SGCZ: variants seen among roughly 807,000 people sequenced by gnomAD.
SGCZ encodes the protein sarcoglycan zeta.
A neutral mutation model predicts 41.3 loss-of-function variants in SGCZ; 40 were observed. That is an observed-to-expected ratio of 0.97 (90% confidence interval 0.75 to 1.26). The LOEUF is 1.26. Ranked by LOEUF, SGCZ falls within the 50% of genes most tolerant of loss-of-function variation. The pLI, the probability that SGCZ is intolerant of heterozygous loss-of-function variation, is 0.00. For synonymous variants in SGCZ, 206 were observed against 137.5 expected, an observed-to-expected ratio of 1.50 and a Z score of -3.49; for missense variants, 552 against 369.8, an observed-to-expected ratio of 1.49 and a Z score of -4.04.
At chr8:14,493,369 T>C (rs953433218) in intron 2 of SGCZ, among the ~76,000 whole-genome samples, 1,675 of 116,404 alleles carry the variant, frequency 0.014, 84 homozygotes, top group African/African-American at 0.054. Flanking sequence ...CTTTTTTTTT[T>C]TTTTTTTTTT....
chr8:14,357,241 T>C (rs1803333289), intron 2 of SGCZ, among the ~76,000 whole-genome samples: 1 of 152,190 alleles, frequency 6.6e-6, no homozygotes, highest in Non-Finnish European at 1.5e-5. Context: ...TGATCACACA[T>C]GCTGGAATAC....
intron 2 of SGCZ, among the ~76,000 whole-genome samples, chr8:14,425,563 G>A (rs776303506): frequency 6.6e-6 from 1 of 151,946 alleles, no homozygotes; most frequent in Non-Finnish European, 1.5e-5. Context: ...AGACGTTGCA[G>A]TGAGCCAAGA....
In SGCZ at chr8:14,861,901, A is replaced by G. The variant is rs1255096619; in HGVS notation, c.40-306975T>C. Reference sequence around the variant, plus strand: ...TTCTTCTCCAAATAGGATGGAAAATACATGTAATACTAACTGAAATGGATA... The same window carrying G: ...TTCTTCTCCAAATAGGATGGAAAATGCATGTAATACTAACTGAAATGGATA... On this transcript the variant is annotated intron_variant, in intron 1 of 7. Transcript: ENST00000382080. Among the ~76,000 whole-genome samples, 3 of 152,144 alleles carry G rather than the reference A, an allele frequency of 2.0e-5. No individual in the cohort carries two copies. The East Asian group carries it at 5.8e-4, about 29-fold the overall frequency.
chr8:15,084,107 G>T (rs1056519468), intron 1 of SGCZ, among the ~76,000 whole-genome samples: 5 of 152,060 alleles, frequency 3.3e-5, no homozygotes, highest in African/African-American at 7.2e-5. Context: ...AAAATTTTAC[G>T]TGGTAAATCT....
At chr8:14,258,894 A>G (rs143875487) in intron 3 of SGCZ, among the ~76,000 whole-genome samples, 15 of 152,300 alleles carry the variant, frequency 9.8e-5, no homozygotes, top group African/African-American at 3.6e-4. Flanking sequence ...ACTAACTTCC[A>G]AAAATAATTA....
chr8:14,345,637 C>T (rs1394036115), intron 2 of SGCZ, among the ~76,000 whole-genome samples: 1 of 152,068 alleles, frequency 6.6e-6, no homozygotes, highest in African/African-American at 2.4e-5. Flanking sequence ...ACTTATTTCC[C>T]AGCTTTCCCA....
At chr8:14,509,285 A>T (rs1161530871) in intron 2 of SGCZ, among the ~76,000 whole-genome samples, 1 of 152,208 alleles carries the variant, frequency 6.6e-6, no homozygotes, top group Non-Finnish European at 1.5e-5. Flanking sequence ...TCTGTAATTT[A>T]AACTTTGCTA....
chr8:14,915,094 T>TA (rs2130782542), intron 1 of SGCZ, among the ~76,000 whole-genome samples: 1 of 152,316 alleles, frequency 6.6e-6, no homozygotes, highest in South Asian at 2.1e-4. Context: ...CTGCTTTTTC[T>TA]ACCCTCTTTC....
intron 1 of SGCZ, among the ~76,000 whole-genome samples, chr8:15,073,016 T>C (rs1276943351): frequency 6.6e-6 from 1 of 152,118 alleles, no homozygotes; most frequent in East Asian, 1.9e-4. Context: ...GGCTAAGAAC[T>C]GCTGAACAGA....
intron 1 of SGCZ, among the ~76,000 whole-genome samples, chr8:15,151,187 T>C (rs1256390095): frequency 6.6e-6 from 1 of 152,242 alleles, no homozygotes; most frequent in Admixed American, 6.5e-5. Flanking sequence ...ATCCCGTGAA[T>C]GGGCTTCTTG....
At chr8:14,711,314 G>A (rs552697988) in intron 1 of SGCZ, among the ~76,000 whole-genome samples, 15 of 151,772 alleles carry the variant, frequency 9.9e-5, no homozygotes, top group African/African-American at 3.4e-4. Context: ...TGTTGGCCAG[G>A]CGCTGTGTCT....
intron 1 of SGCZ, among the ~76,000 whole-genome samples, chr8:14,906,876 T>C (rs1269469886): frequency 3.3e-5 from 5 of 152,224 alleles, no homozygotes; most frequent in African/African-American, 1.2e-4. Flanking sequence ...TAGAGTTACA[T>C]AGTTAATAAA....
intron 2 of SGCZ, among the ~76,000 whole-genome samples, chr8:14,405,555 C>G (rs1799190137): frequency 6.6e-6 from 1 of 151,984 alleles, no homozygotes; most frequent in African/African-American, 2.4e-5. Context: ...TAGCCTTATG[C>G]CAAGAATTAT....
intron 1 of SGCZ, among the ~76,000 whole-genome samples, chr8:14,944,331 T>A (rs558553638): frequency 5.1e-4 from 78 of 152,322 alleles, no homozygotes; most frequent in African/African-American, 1.8e-3. Context: ...CTTTGTTGAA[T>A]ATTTTTGAAT....
chr8:14,369,124 C>G (rs975605110), intron 2 of SGCZ, among the ~76,000 whole-genome samples: 2 of 150,174 alleles, frequency 1.3e-5, no homozygotes, highest in African/African-American at 4.9e-5. Context: ...AAATTAACAC[C>G]TATAGTGATA....
At chr8:14,346,171 G>A (rs564025283) in intron 2 of SGCZ, among the ~76,000 whole-genome samples, 5 of 151,912 alleles carry the variant, frequency 3.3e-5, no homozygotes, top group African/African-American at 7.2e-5. Flanking sequence ...AATACAATAC[G>A]TTACTAATAG....
chr8:14,980,677 T>A (rs1801630259), intron 1 of SGCZ, among the ~76,000 whole-genome samples: 1 of 152,162 alleles, frequency 6.6e-6, no homozygotes, highest in African/African-American at 2.4e-5. Context: ...CCATCAGATC[T>A]CATGAGACTT....
intron 4 of SGCZ, among the ~76,000 whole-genome samples, chr8:14,174,199 A>G (rs1804474649): frequency 6.6e-6 from 1 of 152,160 alleles, no homozygotes; most frequent in South Asian, 2.1e-4. Context: ...AACAAAATTG[A>G]AACACTTTAC....
chr8:14,660,432 C>G (rs575393198), intron 1 of SGCZ, among the ~76,000 whole-genome samples: 1 of 151,620 alleles, frequency 6.6e-6, no homozygotes. Context: ...ATTAGCCAGG[C>G]GTGGTGGTGG....
Sources: allele counts gnomAD v4.1 joint callset (sites outside exome capture counted in the v4.1 genomes callset), GRCh38; gene constraint gnomAD v4.1.1; transcripts MANE v1.5; gene names NCBI Gene and HGNC (gene_info 2026-07-23, HGNC 2026-07-21).